The following DSCAML1 variants were observed in gnomAD, a reference collection of about 807,000 sequenced individuals.
DSCAML1 encodes DS cell adhesion molecule like 1, also known as cell adhesion molecule DSCAML1.
DSCAML1 carries 38 observed loss-of-function variants against 200.5 expected under a neutral mutation model. The observed-to-expected ratio is 0.19, with a 90% CI of 0.15 to 0.25. DSCAML1 has a LOEUF of 0.25. DSCAML1 is among the 10% of genes least tolerant of loss of function. The probability of loss-of-function intolerance (pLI) is 1.00; values close to 1 mark genes in which losing one functional copy is unlikely to be tolerated. For synonymous variants in DSCAML1, 1,215 were observed against 1,165.0 expected, an observed-to-expected ratio of 1.04 and a Z score of -0.87; for missense variants, 2,223 against 2,858.8, an observed-to-expected ratio of 0.78 and a Z score of 5.07.
At position 117,780,232 on chromosome 11, in the gene DSCAML1, G is replaced by GAAAGAA. The variant is rs1565280646; in HGVS notation, c.364+255_364+260dup. Among the ~76,000 whole-genome samples the GAAAGAA allele has an allele frequency of 3.4e-5, 1 of 29,572 alleles. No homozygotes were observed. The highest frequency in any genetic ancestry group is 1.6e-4 in the African/African-American group (1 of 6,252). 19.4% of individuals were successfully genotyped at this position (29,572 alleles called of 152,430 possible). A position where few individuals can be genotyped will look rare whatever the true frequency, so the allele number is the denominator to read the frequency against. ...AAGAGAGAGAGAGAAAGAAAGAAAGGAAAGAAAGAAAGAAAGAAAGAAAGA... is the reference window on the plus strand; with the variant it reads ...AAGAGAGAGAGAGAAAGAAAGAAAGGAAAGAAAAAGAAAGAAAGAAAGAAAGAAAGA... On this transcript the variant is annotated intron_variant, in intron 2 of 32. Transcript: ENST00000651296. This position sits in a 1 kb window ranked among gnomAD's most constrained non-coding sequence, Gnocchi z 4.8.
intron 3 of DSCAML1, among the ~76,000 whole-genome samples, chr11:117,747,630 A>G (rs2054539107): frequency 6.6e-6 from 1 of 152,242 alleles, no homozygotes; most frequent in Non-Finnish European, 1.5e-5. Context: ...GGCAGCCAGA[A>G]GAATGAGCTG....
At chr11:117,785,096 G>A (rs2055326346) in intron 1 of DSCAML1, among the ~76,000 whole-genome samples, 1 of 152,166 alleles carries the variant, frequency 6.6e-6, no homozygotes, top group Non-Finnish European at 1.5e-5. Flanking sequence ...CATTGCCTCA[G>A]GAGATATTTA....
chr11:117,701,521 G>T (rs997503006), intron 3 of DSCAML1, among the ~76,000 whole-genome samples: 1 of 152,200 alleles, frequency 6.6e-6, no homozygotes, highest in Non-Finnish European at 1.5e-5. Flanking sequence ...AGGTACACAG[G>T]CAGGCCTCTT....
At chr11:117,483,426 C>T (rs1284575022) in intron 11 of DSCAML1, among the ~76,000 whole-genome samples, 2 of 152,232 alleles carry the variant, frequency 1.3e-5, no homozygotes, top group African/African-American at 4.8e-5. Context: ...ATCCATTCAG[C>T]AAGGATTCAT....
chr11:117,729,056 C>T (rs1210738792), intron 3 of DSCAML1, among the ~76,000 whole-genome samples: 4 of 152,182 alleles, frequency 2.6e-5, no homozygotes, highest in African/African-American at 7.2e-5. Flanking sequence ...TAGTGTGGTA[C>T]TGGTGTAAGA....
At chr11:117,719,415 G>A (rs1591437979) in intron 3 of DSCAML1, among the ~76,000 whole-genome samples, 2 of 152,242 alleles carry the variant, frequency 1.3e-5, no homozygotes, top group East Asian at 3.8e-4. Context: ...CTGTACTCCA[G>A]CCTGGACAAC....
chr11:117,487,356 ATAT>A (rs938046067), intron 11 of DSCAML1, among the ~76,000 whole-genome samples: 10 of 152,104 alleles, frequency 6.6e-5, no homozygotes, highest in Non-Finnish European at 1.2e-4. Context: ...TTCAAATTAC[ATAT>A]TATTTGGCTC....
intron 8 of DSCAML1, among the ~76,000 whole-genome samples, chr11:117,509,590 G>A (rs1033073646): frequency 6.6e-6 from 1 of 152,194 alleles, no homozygotes; most frequent in African/African-American, 2.4e-5. Context: ...AGCCTGGAGG[G>A]GGAAGAGAGC....
At position 117,504,905 on chromosome 11, in the gene DSCAML1, G is replaced by A. The variant is rs1414392165; in HGVS notation, c.2182+19C>T. The A allele has an allele frequency of 1.3e-6, 2 of 1,586,922 alleles. No homozygotes were observed. The highest frequency in any genetic ancestry group is 3.4e-5 in the Admixed American group (2 of 58,396). On this transcript the variant is annotated intron_variant, in intron 10 of 32. Transcript: ENST00000651296. The surrounding 1 kb of genome is among the most constrained non-coding windows in gnomAD (Gnocchi z 5.0). The stretch of plus-strand genomic sequence containing the variant: ...CGTCCCTGCCCTTCTTGGAGATTCT[G>A]GCTGGGCCAGGGGCTTACCCTTGGC...
At chr11:117,665,446 C>T (rs920416825) in intron 3 of DSCAML1, among the ~76,000 whole-genome samples, 2 of 152,178 alleles carry the variant, frequency 1.3e-5, no homozygotes, top group African/African-American at 2.4e-5. Context: ...GAGCCGAGTG[C>T]GTACTCAGGA....
chr11:117,605,605 C>T (rs145668211), intron 3 of DSCAML1, among the ~76,000 whole-genome samples: 3 of 152,280 alleles, frequency 2.0e-5, no homozygotes, highest in African/African-American at 7.2e-5. Context: ...GTCAGGAGAG[C>T]CTGTGATGGG....
At chr11:117,622,776 G>A (rs570471245) in intron 3 of DSCAML1, among the ~76,000 whole-genome samples, 10 of 152,226 alleles carry the variant, frequency 6.6e-5, no homozygotes, top group South Asian at 6.2e-4. Flanking sequence ...GGTGCTCCTC[G>A]TTCTCCCCCA....
chr11:117,695,315 C>CT (rs753748981), intron 3 of DSCAML1, among the ~76,000 whole-genome samples: 2,488 of 116,644 alleles, frequency 0.021, 44 homozygotes, highest in East Asian at 0.067. Flanking sequence ...CTTTCTTTTT[C>CT]TTTTTTTTTT....
intron 3 of DSCAML1, among the ~76,000 whole-genome samples, chr11:117,752,875 C>G (rs1591473074): frequency 6.6e-6 from 1 of 152,208 alleles, no homozygotes; most frequent in African/African-American, 2.4e-5. Context: ...CAGGGCCCAG[C>G]ACAGAGCCTG....
At chr11:117,482,261 C>A in intron 11 of DSCAML1, 99 bp from the exon 12 acceptor site, 1 of 1,387,360 alleles carries the variant, frequency 7.2e-7, no homozygotes, top group Non-Finnish European at 9.9e-7. Flanking sequence ...AGCCCTCCTC[C>A]CCCAGGAGAG....
At chr11:117,590,861 T>C (rs647593) in intron 3 of DSCAML1, among the ~76,000 whole-genome samples, 54,664 of 152,090 alleles carry the variant, frequency 0.36, 10,127 homozygotes, top group South Asian at 0.56. Context: ...ACAATAATCA[T>C]GCAGTTATAT....
At chr11:117,591,713 G>A (rs1222997691) in intron 3 of DSCAML1, among the ~76,000 whole-genome samples, 4 of 152,068 alleles carry the variant, frequency 2.6e-5, no homozygotes, top group Non-Finnish European at 4.4e-5. Context: ...CAGCATCTAC[G>A]TCCCTCTTTC....
chr11:117,557,318 C>T (rs146927674), intron 3 of DSCAML1, among the ~76,000 whole-genome samples: 2,594 of 152,256 alleles, frequency 0.017, 40 homozygotes, highest in Non-Finnish European at 0.027. Context: ...CTGGAAGAGA[C>T]GTGGGGCTCT....
chr11:117,458,577 T>C (rs537687286), intron 19 of DSCAML1, among the ~76,000 whole-genome samples, 177 bp downstream of exon 19: 1 of 152,088 alleles, frequency 6.6e-6, no homozygotes, highest in South Asian at 2.1e-4. Flanking sequence ...CAGTTGCTTA[T>C]CTGCTCACGC....
Sources: gnomAD v4.1 joint callset for allele counts (sites outside exome capture counted in the v4.1 genomes callset) on GRCh38, gnomAD v4.1.1 for gene constraint, Gnocchi (gnomAD v3.1) non-coding constraint, MANE v1.5 for transcripts, NCBI Gene and HGNC (gene_info 2026-07-23, HGNC 2026-07-21) for gene names.